STAU2: variants seen among roughly 807,000 people sequenced by gnomAD.
STAU2 encodes staufen double-stranded RNA binding protein 2, also known as double-stranded RNA-binding protein Staufen homolog 2.
STAU2 carries 20 observed loss-of-function variants against 65.9 expected under a neutral mutation model. The ratio of observed to expected loss-of-function variants is 0.30; its 90% CI spans 0.21 to 0.44. STAU2 has a LOEUF of 0.44. Ranked by LOEUF, STAU2 falls within the 20% of genes least tolerant of loss-of-function variation. STAU2 has a pLI of 1.00. For synonymous variants in STAU2, 232 were observed against 233.9 expected (o/e 0.99, Z 0.07); for missense variants, 558 against 683.9 (o/e 0.82, Z 2.05).
chr8:73,440,967 T>C (rs1017516037), intron 13 of STAU2: 1 of 152,092 alleles, frequency 6.6e-6, no homozygotes, highest in Non-Finnish European at 1.5e-5. Context: ...CTCCCTGAAT[T>C]CACTCCTGTC....
At chr8:73,453,340 A>T (rs1282885827) in intron 13 of STAU2, among the ~76,000 whole-genome samples, 2 of 152,256 alleles carry the variant, frequency 1.3e-5, no homozygotes, top group African/African-American at 4.8e-5. Flanking sequence ...ATCATGCTGT[A>T]TATTCATGAA....
In STAU2 at chr8:73,683,593, C is replaced by G. The variant is rs1231087713; in HGVS notation, c.274+5061G>C. On this transcript the variant is annotated intron_variant, in intron 5 of 14. Transcript: ENST00000524300. ...TTCACCACTTCTATTCAACACAGTA[C>G]TGGAAGTCCTAGCCGGAGCAATCGA... 2.0e-5 allele frequency among the ~76,000 whole-genome samples: 3 copies of G among 152,112 alleles called. No homozygotes were observed. In the East Asian group the frequency reaches 5.8e-4, roughly 29 times the overall value.
At chr8:73,568,903 T>A (rs1164791236) in intron 12 of STAU2, among the ~76,000 whole-genome samples, 1 of 152,110 alleles carries the variant, frequency 6.6e-6, no homozygotes, top group Admixed American at 6.5e-5. Context: ...CAGCTCCCAG[T>A]GTGAGCGATG....
chr8:73,453,416 C>T (rs1479992206), intron 13 of STAU2, among the ~76,000 whole-genome samples: 3 of 152,202 alleles, frequency 2.0e-5, no homozygotes, highest in African/African-American at 7.2e-5. Flanking sequence ...TTTGATGTTA[C>T]AAACAATGAC....
In STAU2 at chr8:73,745,814, A is replaced by T. The variant is rs148914796; in HGVS notation, c.-197+969T>A. 1.2e-3 allele frequency among the ~76,000 whole-genome samples: 179 copies of T among 152,232 alleles called. 1 individual carries two copies. Among genetic ancestry groups the T allele is most frequent in the African/African-American group, 3.7e-3 (155 of 41,542 alleles). On this transcript the variant is annotated intron_variant, in intron 1 of 14. Coordinates refer to ENST00000524300, the MANE Select transcript of STAU2 (RefSeq NM_001164380.2). The stretch of plus-strand genomic sequence containing the variant: ...ACCCTTACCAAAGAAAATTATTCAC[A>T]AATGCAAAATTCTACACACATTTCC...
At chr8:73,697,606 A>C (rs1031308926) in intron 4 of STAU2, among the ~76,000 whole-genome samples, 1 of 152,238 alleles carries the variant, frequency 6.6e-6, no homozygotes, top group Non-Finnish European at 1.5e-5. Flanking sequence ...CCAATCAAAA[A>C]TAATAGCTAC....
intron 1 of STAU2, among the ~76,000 whole-genome samples, chr8:73,743,635 G>A (rs114983528): frequency 0.034 from 5,140 of 150,452 alleles, 262 homozygotes; most frequent in African/African-American, 0.12. Flanking sequence ...CACCACGGCC[G>A]GCTAATTTTA....
intron 11 of STAU2, among the ~76,000 whole-genome samples, chr8:73,585,441 T>C (rs553487224): frequency 7.2e-5 from 11 of 152,302 alleles, no homozygotes; most frequent in Admixed American, 3.3e-4. Context: ...GATCGTGCCA[T>C]TGCACACCAG....
chr8:73,650,060 T>C (rs1419434515), intron 6 of STAU2, among the ~76,000 whole-genome samples: 1 of 151,724 alleles, frequency 6.6e-6, no homozygotes, highest in Non-Finnish European at 1.5e-5. Flanking sequence ...TCAAAGATTC[T>C]GTACTTTTTG....
At chr8:73,596,547 T>C (rs763096271) in intron 10 of STAU2, among the ~76,000 whole-genome samples, 43 of 152,342 alleles carry the variant, frequency 2.8e-4, no homozygotes, top group Middle Eastern at 3.4e-3. Flanking sequence ...GTTAAATAGT[T>C]AATCACAACT....
chr8:73,544,174 C>T (rs935890090), intron 13 of STAU2, among the ~76,000 whole-genome samples: 1 of 152,198 alleles, frequency 6.6e-6, no homozygotes, highest in Admixed American at 6.5e-5. Context: ...CTGAAGTCAG[C>T]ACAAGAGATC....
chr8:73,566,469 T>A (rs1391593166), intron 12 of STAU2, among the ~76,000 whole-genome samples: 1 of 152,214 alleles, frequency 6.6e-6, no homozygotes, highest in Non-Finnish European at 1.5e-5. Context: ...TCTTAAATGT[T>A]TTATAAAAAA....
chr8:73,525,431 C>T (rs1585932191), intron 13 of STAU2, among the ~76,000 whole-genome samples: 1 of 151,496 alleles, frequency 6.6e-6, no homozygotes, highest in African/African-American at 2.4e-5. Context: ...GGAAGAGGCA[C>T]TTTTTTTTTC....
chr8:73,479,472 G>GCACACACACACACA (rs5892420), intron 13 of STAU2, among the ~76,000 whole-genome samples: 24,449 of 139,518 alleles, frequency 0.18, 2,408 homozygotes, highest in East Asian at 0.32. Context: ...TCCCTATTCT[G>GCACACACACACACA]CACACACACA....
chr8:73,628,571 T>C (rs1013497288), intron 6 of STAU2, among the ~76,000 whole-genome samples: 6 of 152,124 alleles, frequency 3.9e-5, no homozygotes, highest in African/African-American at 1.4e-4. Context: ...ACAACTAGTG[T>C]AGAAAATCTC....
intron 6 of STAU2, among the ~76,000 whole-genome samples, chr8:73,660,841 GA>G (rs1178410168): frequency 6.6e-6 from 1 of 152,056 alleles, no homozygotes; most frequent in African/African-American, 2.4e-5. Context: ...ATGCAATAGA[GA>G]ATCAGCCATT....
intron 13 of STAU2, among the ~76,000 whole-genome samples, chr8:73,531,134 A>C (rs187170488): frequency 5.9e-5 from 9 of 152,288 alleles, no homozygotes; most frequent in African/African-American, 2.2e-4. Context: ...CCAATCTCAA[A>C]TACATATGCT....
chr8:73,723,112 A>C (rs1363385130), intron 3 of STAU2, among the ~76,000 whole-genome samples: 2 of 151,792 alleles, frequency 1.3e-5, no homozygotes, highest in African/African-American at 2.4e-5. Flanking sequence ...ACACACCCAC[A>C]CACACACACA....
At chr8:73,603,676 A>T in intron 10 of STAU2, 50 bp downstream of exon 10, 2 of 1,589,726 alleles carry the variant, frequency 1.3e-6, no homozygotes, top group Non-Finnish European at 1.7e-6. Context: ...TGCCTATTCC[A>T]TCCTGGGGAT....
Sources: allele counts gnomAD v4.1 joint callset (sites outside exome capture counted in the v4.1 genomes callset), GRCh38; gene constraint gnomAD v4.1.1; transcripts MANE v1.5; gene names NCBI Gene and HGNC (gene_info 2026-07-23, HGNC 2026-07-21).